ROR2: variants seen among roughly 807,000 people sequenced by gnomAD.
ROR2 encodes tyrosine-protein kinase transmembrane receptor ROR2.
ROR2 carries 33 observed loss-of-function variants against 74.9 expected under a neutral mutation model. That is an observed-to-expected ratio of 0.44 (90% confidence interval 0.33 to 0.59). ROR2 has a LOEUF of 0.59. Among genes scored for constraint, ROR2 ranks in the 20% least tolerant of loss-of-function variants. The probability of loss-of-function intolerance (pLI) is 0.02; values close to 1 mark genes in which losing one functional copy is unlikely to be tolerated. For missense variants in ROR2, 1,216 were observed against 1,313.8 expected, an observed-to-expected ratio of 0.93 and a Z score of 1.15; for synonymous variants, 586 against 558.7, an observed-to-expected ratio of 1.05 and a Z score of -0.69.
chr9:91,818,887 G>A (rs1828036343), intron 1 of ROR2, among the ~76,000 whole-genome samples: 1 of 151,910 alleles, frequency 6.6e-6, no homozygotes, highest in Non-Finnish European at 1.5e-5. Flanking sequence ...TGAGCAGCTT[G>A]GGGGACCAGG....
intron 1 of ROR2, among the ~76,000 whole-genome samples, chr9:91,800,334 C>G (rs1327853617): frequency 6.9e-6 from 1 of 145,128 alleles, no homozygotes; most frequent in Non-Finnish European, 1.5e-5. Flanking sequence ...AAGAGCAAGA[C>G]TCCGTCTCAA....
intron 1 of ROR2, among the ~76,000 whole-genome samples, chr9:91,849,504 A>T (rs1829032786): frequency 6.6e-6 from 1 of 152,230 alleles, no homozygotes; most frequent in Admixed American, 6.5e-5. Flanking sequence ...TTCCCACCCT[A>T]GGCCACATGG....
chr9:91,857,007 G>A (rs1829312104), intron 1 of ROR2, among the ~76,000 whole-genome samples: 1 of 152,200 alleles, frequency 6.6e-6, no homozygotes, highest in Non-Finnish European at 1.5e-5. Context: ...TGAGTCTCCA[G>A]AATCCGTGTT....
chr9:91,778,380 G>A (rs954306670), intron 1 of ROR2, among the ~76,000 whole-genome samples: 2 of 152,198 alleles, frequency 1.3e-5, no homozygotes, highest in Admixed American at 6.5e-5. Flanking sequence ...GATCACGGTC[G>A]TGCGCCCTGC....
chr9:91,736,298 G>T (rs1825023697), intron 5 of ROR2, among the ~76,000 whole-genome samples: 1 of 152,174 alleles, frequency 6.6e-6, no homozygotes, highest in South Asian at 2.1e-4. Flanking sequence ...CTGTGACCGT[G>T]AATGTGATGT....
rs148390451 is a variant in ROR2, at chr9:91,726,648, T to C, written c.1279A>G (p.Met427Val). The change falls in exon 8 of 9, where the codon ATG becomes GTG. Residue 427 changes from methionine (M) to valine (V), a missense_variant. By Grantham distance (21) the Met-to-Val change is conservative. Coordinates refer to ENST00000375708, the MANE Select transcript of ROR2 (RefSeq NM_004560.4). ...GATGCCTTCTGCTTATTCCGGCACA[T>C]GCAAACCAAGAAGAAAAGGCAAGCG... ...VIACLFFLVC[M>V]CRNKQKASAS... 7.4e-6 allele frequency: 12 copies of C among 1,613,946 alleles called. No individual in the cohort carries two copies. The highest frequency in any genetic ancestry group is 1.1e-5 in the South Asian group (1 of 91,072).
intron 4 of ROR2, among the ~76,000 whole-genome samples, chr9:91,753,948 T>C (rs918992484): frequency 1.3e-5 from 2 of 152,172 alleles, no homozygotes; most frequent in Non-Finnish European, 2.9e-5. Flanking sequence ...TACTGAGTAA[T>C]TTATGTGCTT....
At chr9:91,802,750 A>G (rs934564665) in intron 1 of ROR2, among the ~76,000 whole-genome samples, 3 of 152,194 alleles carry the variant, frequency 2.0e-5, no homozygotes, top group Non-Finnish European at 4.4e-5. Flanking sequence ...CAAGGTGGAA[A>G]GAACGTGAGA....
intron 1 of ROR2, among the ~76,000 whole-genome samples, chr9:91,940,880 G>T (rs1203832615): frequency 6.6e-6 from 1 of 152,070 alleles, no homozygotes; most frequent in Non-Finnish European, 1.5e-5. Flanking sequence ...GGGATTACAG[G>T]CGTGAGCCAC....
In ROR2 at chr9:91,877,963, G is replaced by A. The variant is rs189119356; in HGVS notation, c.97+71904C>T. On this transcript the variant is annotated intron_variant, in intron 1 of 8. Coordinates refer to ENST00000375708, the MANE Select transcript of ROR2 (RefSeq NM_004560.4). The stretch of plus-strand genomic sequence containing the variant: ...TCAATTATTTTCTCATCAAAAGGAG[G>A]CTAACAAAGAAAGGGTTTAAGGATG... Among the ~76,000 whole-genome samples, 3 of 152,266 alleles carry A rather than the reference G, an allele frequency of 2.0e-5. No individual in the cohort carries two copies. The East Asian group carries it at 5.8e-4, about 29-fold the overall frequency.
rs577566862 is a variant in ROR2, at chr9:91,851,277, G to A, written c.98-75459C>T. ...TGAGGCAGGAGAATCGCTTGAACCC[G>A]GGAGGTGGAGCTAGCAGTGAGCTGA... On this transcript the variant is annotated intron_variant, in intron 1 of 8. Transcript: ENST00000375708. Among the ~76,000 whole-genome samples the A allele has an allele frequency of 6.8e-4, 103 of 151,556 alleles. 2 individuals carry two copies. Among genetic ancestry groups the A allele is most frequent in the African/African-American group, 2.4e-3 (100 of 41,298 alleles).
At chr9:91,823,179 T>C (rs1828185033) in intron 1 of ROR2, among the ~76,000 whole-genome samples, 1 of 152,240 alleles carries the variant, frequency 6.6e-6, no homozygotes, top group African/African-American at 2.4e-5. Flanking sequence ...AAGTAACCAT[T>C]AGACGATATC....
intron 1 of ROR2, among the ~76,000 whole-genome samples, chr9:91,910,076 G>A (rs936321094): frequency 6.6e-5 from 10 of 151,292 alleles, no homozygotes; most frequent in African/African-American, 2.4e-5. Context: ...TGGCCAGGCT[G>A]GTCTCAAACT....
At chr9:91,831,022 G>A (rs1828452810) in intron 1 of ROR2, among the ~76,000 whole-genome samples, 1 of 152,134 alleles carries the variant, frequency 6.6e-6, no homozygotes, top group Non-Finnish European at 1.5e-5. Context: ...AGCACTTTGG[G>A]AGGCTGAGAC....
intron 1 of ROR2, among the ~76,000 whole-genome samples, chr9:91,802,806 C>A (rs896179393): frequency 6.6e-6 from 1 of 152,124 alleles, no homozygotes; most frequent in Non-Finnish European, 1.5e-5. Context: ...GGAACCACCA[C>A]ACTATGACTC....
At chr9:91,776,765 G>C (rs550204382) in intron 1 of ROR2, among the ~76,000 whole-genome samples, 1 of 152,114 alleles carries the variant, frequency 6.6e-6, no homozygotes, top group African/African-American at 2.4e-5. Context: ...CCATCACTCA[G>C]CACTGTTTAA....
chr9:91,771,197 A>G (rs1333948314), intron 2 of ROR2, among the ~76,000 whole-genome samples: 1 of 152,210 alleles, frequency 6.6e-6, no homozygotes, highest in East Asian at 1.9e-4. Flanking sequence ...GACGAGGAGC[A>G]GCTCTTCTCT....
intron 1 of ROR2, among the ~76,000 whole-genome samples, chr9:91,824,781 C>T (rs1229785387): frequency 6.6e-6 from 1 of 152,146 alleles, no homozygotes; most frequent in Non-Finnish European, 1.5e-5. Flanking sequence ...ACATGGAATC[C>T]GTCCCCACGC....
chr9:91,783,184 T>C (rs1389536631), intron 1 of ROR2, among the ~76,000 whole-genome samples: 1 of 152,222 alleles, frequency 6.6e-6, no homozygotes, highest in Non-Finnish European at 1.5e-5. Context: ...AGAGCCCTGA[T>C]GACCTCCTTT....
Sources: allele counts gnomAD v4.1 joint callset (sites outside exome capture counted in the v4.1 genomes callset), GRCh38; gene constraint gnomAD v4.1.1; transcripts MANE v1.5; gene names NCBI Gene and HGNC (gene_info 2026-07-23, HGNC 2026-07-21).